Variants in NTAQ1 observed in about 807,000 individuals in gnomAD.
The protein encoded by NTAQ1 is N-terminal glutamine amidase 1.
In NTAQ1, 21 loss-of-function variants were observed where a neutral mutation model predicts 28.2. The ratio of observed to expected loss-of-function variants is 0.74; its 90% confidence interval spans 0.53 to 1.07. The LOEUF is 1.07. Ranked by LOEUF, NTAQ1 falls within the 50% of genes least tolerant of loss-of-function variation. The probability of loss-of-function intolerance (pLI) is 0.00; values close to 1 mark genes in which losing one functional copy is unlikely to be tolerated. For missense variants in NTAQ1, 264 were observed against 256.6 expected (o/e 1.03, Z -0.20); for synonymous variants, 105 against 90.0 (o/e 1.17, Z -0.94).
exon 7 of NTAQ1, among the ~76,000 whole-genome samples, chr8:123,467,898 AGCCACCACTCCCC>A (rs1292168504): frequency 2.0e-5 from 3 of 152,144 alleles, no homozygotes; most frequent in Non-Finnish European, 4.4e-5. Flanking sequence ...CACAGGCGCC[AGCCACCACTCCCC>A]GCTAATTTTG....
At chr8:123,427,076 C>T (rs1016879076) in intron 1 of NTAQ1, among the ~76,000 whole-genome samples, 7 of 152,112 alleles carry the variant, frequency 4.6e-5, no homozygotes, top group Admixed American at 1.3e-4. Flanking sequence ...CATAATTGCT[C>T]CTGATTCTTT....
At chr8:123,467,301 G>T (rs946274923) in exon 7 of NTAQ1, 6 of 152,064 alleles carry the variant, frequency 3.9e-5, no homozygotes, top group Non-Finnish European at 8.8e-5. Context: ...CTCCTAAACT[G>T]CTGGGATTAC....
intron 6 of NTAQ1, among the ~76,000 whole-genome samples, chr8:123,455,393 C>T (rs1338662776): frequency 6.6e-6 from 1 of 151,292 alleles, no homozygotes; most frequent in Non-Finnish European, 1.5e-5. Context: ...ACTTGTGTTA[C>T]CAATATCCTC....
intron 6 of NTAQ1, among the ~76,000 whole-genome samples, chr8:123,460,539 G>T (rs1010468186): frequency 3.3e-5 from 5 of 152,220 alleles, no homozygotes; most frequent in Admixed American, 6.5e-5. Flanking sequence ...AAGATGGAGT[G>T]GGCTGTCTGT....
chr8:123,417,645 C>A (rs189006201), intron 1 of NTAQ1, among the ~76,000 whole-genome samples: 2 of 152,188 alleles, frequency 1.3e-5, no homozygotes, highest in Non-Finnish European at 2.9e-5. Flanking sequence ...ATGGCTTCTT[C>A]CCCAGCTTCT....
exon 7 of NTAQ1, among the ~76,000 whole-genome samples, chr8:123,467,921 G>A (rs1815997222): frequency 6.6e-6 from 1 of 152,132 alleles, no homozygotes; most frequent in Non-Finnish European, 1.5e-5. Flanking sequence ...CGCTAATTTT[G>A]TATTTTTAGT....
chr8:123,439,435 C>T (rs10106777), intron 5 of NTAQ1, among the ~76,000 whole-genome samples: 45,671 of 151,124 alleles, frequency 0.3, 7,388 homozygotes, highest in South Asian at 0.45. Context: ...CTCCGCCTCC[C>T]GGGTTCATGC....
At chr8:123,427,396 G>T (rs1172967937) in intron 1 of NTAQ1, among the ~76,000 whole-genome samples, 1 of 151,906 alleles carries the variant, frequency 6.6e-6, no homozygotes, top group Non-Finnish European at 1.5e-5. Flanking sequence ...GGGATTACAG[G>T]CACCCGCCAC....
downstream of NTAQ1, among the ~76,000 whole-genome samples, chr8:123,474,040 AG>A (rs1816067680): frequency 6.6e-6 from 1 of 152,222 alleles, no homozygotes. Context: ...GTCTTAAAAA[AG>A]TTACAAAAAT....
At chr8:123,442,356 T>G (rs1815108275), downstream of NTAQ1, 1 of 152,156 alleles carries the variant, frequency 6.6e-6, no homozygotes, top group East Asian at 1.9e-4. Context: ...TCTCAGCACT[T>G]TGGGAGTCCT....
downstream of NTAQ1, among the ~76,000 whole-genome samples, chr8:123,448,630 G>A (rs3932064): frequency 0.36 from 55,107 of 151,954 alleles, 10,103 homozygotes; most frequent in East Asian, 0.56. Context: ...AAAAGAATAA[G>A]AAGAATTTGT....
downstream of NTAQ1, among the ~76,000 whole-genome samples, chr8:123,470,918 CTTTTTTT>C (rs796299064): frequency 3.7e-5 from 4 of 107,340 alleles, no homozygotes; most frequent in Non-Finnish European, 7.4e-5. Flanking sequence ...TTCCTTTTTT[CTTTTTTT>C]TTTTTCTTTT....
chr8:123,452,767 C>T (rs1039133145), downstream of NTAQ1, among the ~76,000 whole-genome samples: 3 of 151,096 alleles, frequency 2.0e-5, no homozygotes, highest in African/African-American at 7.3e-5. Flanking sequence ...AATAGCCAGG[C>T]ATAGTGGCGC....
At chr8:123,454,208 G>A (rs376362511) in intron 6 of NTAQ1, among the ~76,000 whole-genome samples, 5 of 152,248 alleles carry the variant, frequency 3.3e-5, no homozygotes, top group South Asian at 4.1e-4. Context: ...AGGTCTCAGC[G>A]GCAGAGAACA....
chr8:123,424,647 C>T (rs576916017), intron 1 of NTAQ1, among the ~76,000 whole-genome samples: 10 of 149,458 alleles, frequency 6.7e-5, no homozygotes, highest in South Asian at 6.4e-4. Flanking sequence ...TCAGGTGATC[C>T]GCCTGCCTTG....
In NTAQ1 at chr8:123,433,870, T is replaced by C. The variant is rs543496947; in HGVS notation, c.235-2583T>C. Among the ~76,000 whole-genome samples, 20 of 152,230 alleles carry C rather than the reference T, an allele frequency of 1.3e-4. No individual in the cohort carries two copies. The South Asian group carries it at 3.3e-3, about 25-fold the overall frequency. On this transcript the variant is annotated intron_variant, in intron 3 of 5. Transcript: ENST00000287387. ...GCATGTGGCCCAAGACAGCTTTAAA[T>C]GCAGCCCAACACAAATTTGTAAACT...
At chr8:123,467,247 G>A (rs937533995) in exon 7 of NTAQ1, 2 of 152,034 alleles carry the variant, frequency 1.3e-5, no homozygotes, top group African/African-American at 4.8e-5. Context: ...TGTTGGTGAA[G>A]CTAGTGTTGA....
intron 1 of NTAQ1, among the ~76,000 whole-genome samples, chr8:123,424,994 G>A (rs2130185651): frequency 6.6e-6 from 1 of 152,276 alleles, no homozygotes; most frequent in South Asian, 2.1e-4. Context: ...AAGCCAGAGA[G>A]ATAATTGTCT....
chr8:123,428,847 C>T (rs1814227507), intron 2 of NTAQ1, among the ~76,000 whole-genome samples: 1 of 152,200 alleles, frequency 6.6e-6, no homozygotes, highest in African/African-American at 2.4e-5. Flanking sequence ...GGTGACCTGT[C>T]TGCCTTGGCC....
Sources: gnomAD v4.1 joint callset for allele counts (sites outside exome capture counted in the v4.1 genomes callset) on GRCh38, gnomAD v4.1.1 for gene constraint, MANE v1.5 for transcripts, NCBI Gene and HGNC (gene_info 2026-07-23, HGNC 2026-07-21) for gene names.